ERCC8: variants seen among roughly 807,000 people sequenced by gnomAD.
The protein encoded by ERCC8 is DNA excision repair protein ERCC-8.
A neutral mutation model predicts 54.9 loss-of-function variants in ERCC8; 52 were observed. The observed-to-expected ratio is 0.95, with a 90% CI of 0.76 to 1.19. The LOEUF (loss-of-function observed/expected upper bound fraction) is 1.19. Among genes scored for constraint, ERCC8 ranks in the 50% most tolerant of loss-of-function variants. ERCC8 has a pLI of 0.00. For missense variants in ERCC8, 514 were observed against 466.1 expected (o/e 1.10, Z -0.95); for synonymous variants, 146 against 157.2 (o/e 0.93, Z 0.53).
intron 10 of ERCC8, 148 bp downstream of exon 10, chr5:60,890,741 G>A (rs1188029731): frequency 1.2e-5 from 8 of 661,172 alleles, no homozygotes; most frequent in Non-Finnish European, 2.2e-5. Context: ...AACAATCTAG[G>A]CTGTGCTATT....
rs1383308990 is a variant in ERCC8 at position 60,867,271 on chromosome 5, T to C, written c.*7344A>G. ...GTTATTTCTTTTTCTTTTCATTTTT[T>C]TGAGACAGAGTCTTGCTCTGTCACT... On this transcript the variant is annotated 3_prime_UTR_variant, in exon 12 of 12. Coordinates refer to ENST00000676185, the MANE Select transcript of ERCC8 (RefSeq NM_000082.4). 1.3e-5 allele frequency among the ~76,000 whole-genome samples: 2 copies of C among 152,114 alleles called. No homozygotes were observed. Among genetic ancestry groups the C allele is most frequent in the Non-Finnish European group, 1.5e-5 (1 of 68,022 alleles).
intron 1 of ERCC8, among the ~76,000 whole-genome samples, chr5:60,929,289 C>A (rs4647063): frequency 6.6e-6 from 1 of 151,956 alleles, no homozygotes; most frequent in Non-Finnish European, 1.5e-5. Flanking sequence ...TTCTTAAAGA[C>A]GGACAGAAAT....
chr5:60,878,718 C>A (rs1032247263), intron 11 of ERCC8, among the ~76,000 whole-genome samples: 1 of 145,334 alleles, frequency 6.9e-6, no homozygotes, highest in Admixed American at 6.8e-5. Flanking sequence ...TGGTGATATC[C>A]CCTTTATCAT....
chr5:60,925,589 C>G (rs1465934021), intron 2 of ERCC8, among the ~76,000 whole-genome samples: 1 of 152,168 alleles, frequency 6.6e-6, no homozygotes, highest in African/African-American at 2.4e-5. Flanking sequence ...CCAGGTATAT[C>G]AGATGCCTTA....
In ERCC8 at chr5:60,898,271, C is replaced by G; in HGVS notation, c.843+5G>C. ...TACCCAAATATATACTTAAAAATCT[C>G]TTACAAGTGTGTTTTCTCCATTGGA... On this transcript the variant is annotated splice_donor_5th_base_variant and intron_variant, in intron 9 of 11. Transcript: ENST00000676185. 6.2e-7 allele frequency: 1 copy of G among 1,613,110 alleles called. No homozygotes were observed. The highest frequency in any genetic ancestry group is 8.5e-7 in the Non-Finnish European group (1 of 1,179,300).
chr5:60,883,222 A>G (rs1357460402), intron 11 of ERCC8, among the ~76,000 whole-genome samples: 1 of 152,268 alleles, frequency 6.6e-6, no homozygotes, highest in African/African-American at 2.4e-5. Flanking sequence ...TTTCAGTGAA[A>G]TAATGATATA....
intron 9 of ERCC8, chr5:60,893,078 CT>C: frequency 1.3e-6 from 1 of 777,914 alleles, no homozygotes; most frequent in Non-Finnish European, 2.4e-6. Context: ...CCAGGTCAAT[CT>C]TTTTCAAGAC....
intron 2 of ERCC8, among the ~76,000 whole-genome samples, chr5:60,925,194 C>T (rs2112527100): frequency 6.6e-6 from 1 of 152,240 alleles, no homozygotes; most frequent in South Asian, 2.1e-4. Context: ...ATTAAAACAT[C>T]CTCTTCTTCC....
chr5:60,876,828 G>C (rs1748025330), intron 11 of ERCC8, among the ~76,000 whole-genome samples: 1 of 151,912 alleles, frequency 6.6e-6, no homozygotes, highest in South Asian at 2.1e-4. Context: ...CATTCTGTAG[G>C]TTGCTTGTTC....
intron 10 of ERCC8, among the ~76,000 whole-genome samples, chr5:60,887,859 G>C (rs1748441399): frequency 6.6e-6 from 1 of 152,140 alleles, no homozygotes; most frequent in Non-Finnish European, 1.5e-5. Context: ...CCAAATAACT[G>C]AGCTTCAATA....
At chr5:60,875,802 T>C (rs1747981745) in intron 11 of ERCC8, among the ~76,000 whole-genome samples, 1 of 152,184 alleles carries the variant, frequency 6.6e-6, no homozygotes. Flanking sequence ...GTTCACGCCA[T>C]TGTCCTGCCT....
chr5:60,883,246 G>C (rs900554263), intron 11 of ERCC8, among the ~76,000 whole-genome samples: 1 of 152,122 alleles, frequency 6.6e-6, no homozygotes, highest in Non-Finnish European at 1.5e-5. Flanking sequence ...ATGCATTACA[G>C]TATTTTAGAA....
In ERCC8 at chr5:60,891,098, A is replaced by C; in HGVS notation, c.844-12T>G. 1 of 1,541,600 alleles carries C rather than the reference A, an allele frequency of 6.5e-7. No individual in the cohort carries two copies. The highest frequency in any genetic ancestry group is 8.9e-7 in the Non-Finnish European group (1 of 1,118,428). ...TTTCCATAGTTCACCTGTAGGATTA[A>C]AATAATAAGGTTACTCATCTCTGAA... is the stretch of plus-strand genomic sequence containing the variant. On this transcript the variant is annotated splice_polypyrimidine_tract_variant and intron_variant, in intron 9 of 11. Transcript: ENST00000676185.
chr5:60,906,215 T>G (rs1247152706), intron 4 of ERCC8, among the ~76,000 whole-genome samples: 2 of 152,094 alleles, frequency 1.3e-5, no homozygotes, highest in Non-Finnish European at 2.9e-5. Context: ...TTTGTATTTT[T>G]GGTAGAGATG....
intron 1 of ERCC8, among the ~76,000 whole-genome samples, chr5:60,933,938 T>TACATACAC (rs71606652): frequency 6.6e-6 from 1 of 151,000 alleles, no homozygotes; most frequent in Admixed American, 6.6e-5. Flanking sequence ...TATTCCATGA[T>TACATACAC]ACACACACAC....
intron 9 of ERCC8, among the ~76,000 whole-genome samples, chr5:60,894,367 ATAAC>A (rs1162151126): frequency 6.6e-6 from 1 of 152,218 alleles, no homozygotes; most frequent in African/African-American, 2.4e-5. Flanking sequence ...GAATGGGGTA[ATAAC>A]TGAGAATAGG....
intron 9 of ERCC8, chr5:60,891,921 A>G (rs1287731795): frequency 2.0e-6 from 1 of 499,368 alleles, no homozygotes; most frequent in Non-Finnish European, 4.1e-6. Flanking sequence ...GGGAAGTGAG[A>G]TCAGTCAATT....
intron 4 of ERCC8, among the ~76,000 whole-genome samples, chr5:60,907,779 C>T (rs1749122299): frequency 6.6e-6 from 1 of 152,152 alleles, no homozygotes; most frequent in South Asian, 2.1e-4. Flanking sequence ...CATTTTCGCC[C>T]TACATTCTCC....
chr5:60,930,978 G>C (rs928894868), intron 1 of ERCC8, among the ~76,000 whole-genome samples: 1 of 151,776 alleles, frequency 6.6e-6, no homozygotes, highest in Non-Finnish European at 1.5e-5. Flanking sequence ...GTGTGGTGGG[G>C]CATGCCTATA....
Sources: allele counts gnomAD v4.1 joint callset (sites outside exome capture counted in the v4.1 genomes callset), GRCh38; gene constraint gnomAD v4.1.1; transcripts MANE v1.5; gene names NCBI Gene and HGNC (gene_info 2026-07-23, HGNC 2026-07-21).